Variants in MACROD2 observed in about 807,000 individuals in gnomAD.
MACROD2 encodes mono-ADP ribosylhydrolase 2.
Under a neutral mutation model 70.4 loss-of-function variants are expected in MACROD2, and 36 were observed. The observed-to-expected ratio is 0.51, with a 90% confidence interval of 0.39 to 0.68. The LOEUF (loss-of-function observed/expected upper bound fraction) is 0.68. Among genes scored for constraint, MACROD2 ranks in the 30% least tolerant of loss-of-function variants. MACROD2 has a pLI of 0.00. For missense variants in MACROD2, 496 were observed against 538.4 expected (o/e 0.92, Z 0.78); for synonymous variants, 172 against 178.8 (o/e 0.96, Z 0.30).
chr20:15,360,903 A>G (rs6034163), intron 6 of MACROD2, among the ~76,000 whole-genome samples: 67,443 of 150,692 alleles, frequency 0.45, 15,168 homozygotes, highest in Non-Finnish European at 0.48. Flanking sequence ...TTCTAGTTGG[A>G]CCATTTGTAT....
intron 5 of MACROD2, among the ~76,000 whole-genome samples, chr20:15,154,237 C>T (rs1421341790): frequency 1.3e-5 from 2 of 152,142 alleles, no homozygotes; most frequent in African/African-American, 4.8e-5. Flanking sequence ...CTCATCTTAT[C>T]CCTGCAACTC....
chr20:14,273,036 A>T (rs1276969656), intron 3 of MACROD2, among the ~76,000 whole-genome samples: 1 of 151,686 alleles, frequency 6.6e-6, no homozygotes, highest in Non-Finnish European at 1.5e-5. Flanking sequence ...CTCCTACACA[A>T]TAATAATGGG....
At chr20:14,079,615 G>A (rs531872201) in intron 2 of MACROD2, among the ~76,000 whole-genome samples, 11 of 152,072 alleles carry the variant, frequency 7.2e-5, no homozygotes, top group Non-Finnish European at 1.0e-4. Flanking sequence ...TATTCTCAAT[G>A]GCAATACAAT....
chr20:14,016,536 T>G (rs926803354), intron 2 of MACROD2, among the ~76,000 whole-genome samples: 4 of 152,182 alleles, frequency 2.6e-5, no homozygotes, highest in Non-Finnish European at 5.9e-5. Flanking sequence ...CTCATTGATT[T>G]AGCTTTTGCT....
intron 5 of MACROD2, among the ~76,000 whole-genome samples, chr20:14,883,607 A>AAT (rs397727496): frequency 5.6e-4 from 84 of 150,936 alleles, no homozygotes; most frequent in Non-Finnish European, 7.8e-4. Context: ...TAAAAAAAAA[A>AAT]GTAGTTTAAA....
At chr20:15,380,281 AAT>A (rs199688531) in intron 6 of MACROD2, among the ~76,000 whole-genome samples, 2,725 of 152,280 alleles carry the variant, frequency 0.018, 34 homozygotes, top group Non-Finnish European at 0.028. Context: ...TTAGTTGGGA[AAT>A]ATTATTTTAC....
intron 4 of MACROD2, among the ~76,000 whole-genome samples, chr20:14,644,265 C>T (rs1258407572): frequency 6.6e-6 from 1 of 152,132 alleles, no homozygotes; most frequent in Non-Finnish European, 1.5e-5. Context: ...TGCTTAATAA[C>T]TGTTAGTAAC....
At chr20:15,159,505 G>T (rs2076332923) in intron 5 of MACROD2, among the ~76,000 whole-genome samples, 1 of 152,086 alleles carries the variant, frequency 6.6e-6, no homozygotes, top group Non-Finnish European at 1.5e-5. Flanking sequence ...AAAGTTAAGG[G>T]TAATCCACTT....
At chr20:14,976,184 T>A (rs1156876593) in intron 5 of MACROD2, among the ~76,000 whole-genome samples, 2 of 152,150 alleles carry the variant, frequency 1.3e-5, no homozygotes, top group African/African-American at 4.8e-5. Context: ...TGTAACAAAT[T>A]ACCACAGATT....
intron 5 of MACROD2, among the ~76,000 whole-genome samples, chr20:15,039,843 A>AT (rs1022842124): frequency 1.1e-4 from 16 of 152,108 alleles, no homozygotes; most frequent in African/African-American, 3.4e-4. Flanking sequence ...ACTAAGGGTC[A>AT]TTTTTTTCAA....
At chr20:15,495,465 A>G (rs1463047844) in intron 7 of MACROD2, among the ~76,000 whole-genome samples, 1 of 152,210 alleles carries the variant, frequency 6.6e-6, no homozygotes, top group Admixed American at 6.5e-5. Context: ...TTCCCCAGGG[A>G]TGAAAAGGGA....
intron 3 of MACROD2, among the ~76,000 whole-genome samples, chr20:14,114,690 A>G (rs1272795144): frequency 3.3e-5 from 5 of 152,084 alleles, no homozygotes; most frequent in Non-Finnish European, 7.4e-5. Context: ...CTATGATATA[A>G]CTCCAGGAAG....
intron 9 of MACROD2, among the ~76,000 whole-genome samples, chr20:15,881,721 A>G (rs1181962593): frequency 6.6e-6 from 1 of 152,120 alleles, no homozygotes; most frequent in Non-Finnish European, 1.5e-5. Flanking sequence ...AGGCAGCTTC[A>G]GTCCTCAAAC....
chr20:14,222,024 C>T (rs755837529), intron 3 of MACROD2, among the ~76,000 whole-genome samples: 26 of 152,280 alleles, frequency 1.7e-4, no homozygotes, highest in Non-Finnish European at 2.9e-4. Context: ...AATGCTTATA[C>T]ACTATTGGTA....
chr20:15,296,683 A>G (rs1205770345), intron 6 of MACROD2, among the ~76,000 whole-genome samples: 1 of 152,124 alleles, frequency 6.6e-6, no homozygotes, highest in Non-Finnish European at 1.5e-5. Context: ...GTTCTGTCCT[A>G]ATAAGACTGT....
chr20:14,645,293 A>T (rs1300812988), intron 4 of MACROD2, among the ~76,000 whole-genome samples: 1 of 152,178 alleles, frequency 6.6e-6, no homozygotes, highest in Admixed American at 6.6e-5. Flanking sequence ...TGAATTTTTC[A>T]TTGTAGTTGA....
At chr20:15,319,124 C>G (rs1008487364) in intron 6 of MACROD2, among the ~76,000 whole-genome samples, 6 of 152,056 alleles carry the variant, frequency 3.9e-5, no homozygotes, top group African/African-American at 1.4e-4. Context: ...AGTTGCAGGG[C>G]ACAACATCAA....
At chr20:15,673,823 C>G (rs2050017230) in intron 8 of MACROD2, among the ~76,000 whole-genome samples, 1 of 150,404 alleles carries the variant, frequency 6.6e-6, no homozygotes, top group Non-Finnish European at 1.5e-5. Flanking sequence ...AGCTTATAGT[C>G]TATCGCATCC....
At chr20:15,705,064 C>A (rs1053264261) in intron 8 of MACROD2, among the ~76,000 whole-genome samples, 8 of 152,220 alleles carry the variant, frequency 5.3e-5, no homozygotes, top group African/African-American at 1.7e-4. Context: ...ATTATTACTT[C>A]CCCAAGTTTT....
Sources: gnomAD v4.1 joint callset for allele counts (sites outside exome capture counted in the v4.1 genomes callset) on GRCh38, gnomAD v4.1.1 for gene constraint, MANE v1.5 for transcripts, NCBI Gene and HGNC (gene_info 2026-07-23, HGNC 2026-07-21) for gene names.